Variants in SCAP observed in about 807,000 individuals in gnomAD.
SCAP encodes sterol regulatory element-binding protein cleavage-activating protein.
SCAP carries 65 observed loss-of-function variants against 123.6 expected under a neutral mutation model. The observed-to-expected ratio is 0.53, with a 90% CI of 0.43 to 0.65. SCAP has a LOEUF of 0.65. SCAP is among the 30% of genes least tolerant of loss of function. SCAP has a pLI of 0.00. For synonymous variants in SCAP, 740 were observed against 726.3 expected, an observed-to-expected ratio of 1.02 and a Z score of -0.30; for missense variants, 1,398 against 1,712.5, an observed-to-expected ratio of 0.82 and a Z score of 3.24.
At chr3:47,448,394 A>G (rs571773829) in intron 1 of SCAP, among the ~76,000 whole-genome samples, 1 of 152,216 alleles carries the variant, frequency 6.6e-6, no homozygotes, top group Non-Finnish European at 1.5e-5. Flanking sequence ...ATTTCTACGT[A>G]GACTTATCAT....
In SCAP at chr3:47,442,236, A is replaced by C. The variant is rs149336840; in HGVS notation, c.122+636T>G. On this transcript the variant is annotated intron_variant, in intron 2 of 22. Coordinates refer to ENST00000265565, the MANE Select transcript of SCAP (RefSeq NM_012235.4). Reference sequence around the variant, plus strand: ...AGAGTTAAAAGGGTCATCAGATGTCATCTCATATCAAACTCCTCCTTTACG... The same window carrying C: ...AGAGTTAAAAGGGTCATCAGATGTCCTCTCATATCAAACTCCTCCTTTACG... Among the ~76,000 whole-genome samples the C allele has an allele frequency of 1.8e-3, 271 of 152,306 alleles. 3 individuals carry two copies. The highest frequency in any genetic ancestry group is 6.1e-3 in the African/African-American group (255 of 41,580).
At chr3:47,428,365 A>C in intron 4 of SCAP, 148 bp downstream of exon 4, 1 of 854,584 alleles carries the variant, frequency 1.2e-6, no homozygotes, top group Non-Finnish European at 1.9e-6. Flanking sequence ...AAGGATGCTG[A>C]GAAATTCAAG....
intron 6 of SCAP, among the ~76,000 whole-genome samples, chr3:47,426,954 C>T (rs1706159779): frequency 6.6e-6 from 1 of 152,156 alleles, no homozygotes. Flanking sequence ...GTCCCCTATG[C>T]TTAACCAGCT....
Position 47,427,658 on chromosome 3 carries a change from G to C in SCAP, c.420C>G (p.Ile140Met). 1.9e-6 allele frequency: 3 copies of C among 1,613,966 alleles called. No homozygotes were observed. The highest frequency in any genetic ancestry group is 3.3e-5 in the Admixed American group (2 of 60,016). The change falls in exon 5 of 23, where the codon ATC becomes ATG. Residue 140 changes from isoleucine (I) to methionine (M), a missense_variant. This residue lies in a region of SCAP where 319 missense variants were observed against 432.4 expected (regional missense o/e 0.74). Coordinates refer to ENST00000265565, the MANE Select transcript of SCAP (RefSeq NM_012235.4). ...RNHVLRDSSG[I>M]RSLEELCLQV... ...GCAGACACAACTCCTCCAAGCTCCT[G>C]ATCCCAGAGCTGCACAGGAGACAGG...
chr3:47,428,404 G>A, intron 4 of SCAP, 109 bp downstream of exon 4: 1 of 1,170,188 alleles, frequency 8.5e-7, no homozygotes, highest in Non-Finnish European at 1.2e-6. Flanking sequence ...CTTCTTGCTT[G>A]TTCTATCTCT....
intron 9 of SCAP, 130 bp from the exon 10 acceptor site, chr3:47,422,666 C>A: frequency 3.0e-6 from 2 of 667,174 alleles, no homozygotes; most frequent in Non-Finnish European, 5.0e-6. Context: ...GCCATTCCAC[C>A]AAAGCACCCC....
At chr3:47,459,337 C>A (rs897542674) in intron 1 of SCAP, among the ~76,000 whole-genome samples, 13 of 152,218 alleles carry the variant, frequency 8.5e-5, no homozygotes, top group African/African-American at 2.4e-4. Context: ...TGCTGGAGGG[C>A]ATCAAAGCTC....
At position 47,450,146 on chromosome 3, in the gene SCAP, C is replaced by T. The variant is rs372969610; in HGVS notation, c.-98-7055G>A. ...CCAAGTAGCTGGAGTTACAGGCGTG[C>T]GCCACCCCACCCAGCTAATTTTTAT... On this transcript the variant is annotated intron_variant, in intron 1 of 22. Coordinates refer to ENST00000265565, the MANE Select transcript of SCAP (RefSeq NM_012235.4). Among the ~76,000 whole-genome samples, 21 of 124,298 alleles carry T rather than the reference C, an allele frequency of 1.7e-4. 4 individuals are homozygous for T. The highest frequency in any genetic ancestry group is 3.8e-4 in the African/African-American group (14 of 36,386). 81.5% of individuals were successfully genotyped at this position (124,298 alleles called of 152,430 possible). A position where few individuals can be genotyped will look rare whatever the true frequency, so the allele number is the denominator to read the frequency against.
intron 2 of SCAP, among the ~76,000 whole-genome samples, chr3:47,436,738 G>C (rs1706593366): frequency 6.6e-6 from 1 of 152,154 alleles, no homozygotes; most frequent in African/African-American, 2.4e-5. Flanking sequence ...ACAATGCACA[G>C]ATCTTAAGTA....
intron 1 of SCAP, among the ~76,000 whole-genome samples, chr3:47,473,093 A>AAAAC (rs1361633208): frequency 1.4e-5 from 2 of 147,130 alleles, no homozygotes; most frequent in Admixed American, 6.9e-5. Context: ...AAAAAAAAAA[A>AAAAC]AAAAAACAGA....
At chr3:47,421,361 A>G (rs1461814957) in intron 10 of SCAP, 4 of 279,898 alleles carry the variant, frequency 1.4e-5, no homozygotes, top group South Asian at 4.1e-5. Context: ...CTGCTCCCCA[A>G]AAAGTCCTTC....
chr3:47,473,080 CAAAAAAAAAAAAA>C (rs34472664), intron 1 of SCAP, among the ~76,000 whole-genome samples: 33 of 38,060 alleles, frequency 8.7e-4, no homozygotes, highest in Non-Finnish European at 2.1e-4. Context: ...AACTCCATCT[CAAAAAAAAAAAAA>C]AAAAAACAGA....
intron 1 of SCAP, among the ~76,000 whole-genome samples, chr3:47,464,377 T>G (rs746479615): frequency 3.0e-4 from 43 of 145,646 alleles, no homozygotes; most frequent in African/African-American, 1.0e-3. Flanking sequence ...CTGATTTGTG[T>G]TTTTTTTTTT....
Position 47,415,207 on chromosome 3 carries a change from G to C in SCAP, c.3057-27C>G, listed in dbSNP as rs767457353. On this transcript the variant is annotated intron_variant, in intron 18 of 22. Transcript: ENST00000265565. ...TGGAAGAGAAGAACAGCTGCCAGGG[G>C]CCTCTCCCTTAGAGCCCCAGCCCTG... The C allele has an allele frequency of 1.8e-5, 29 of 1,590,610 alleles. No individual in the cohort carries two copies. In the African/African-American group the frequency reaches 3.9e-4, roughly 22 times the overall value.
intron 7 of SCAP, 64 bp downstream of exon 7, chr3:47,425,933 C>G (rs907377337): frequency 1.3e-5 from 21 of 1,566,304 alleles, no homozygotes; most frequent in Middle Eastern, 1.7e-4. Flanking sequence ...GCCAGGGAAG[C>G]AGGTGACATG....
intron 2 of SCAP, among the ~76,000 whole-genome samples, chr3:47,435,680 C>CT (rs1028721341): frequency 1.3e-3 from 199 of 152,216 alleles, no homozygotes; most frequent in African/African-American, 4.6e-3. Context: ...GCAACCGTGC[C>CT]TGGCTAGTTT....
At chr3:47,454,205 A>C (rs2107965516) in intron 1 of SCAP, among the ~76,000 whole-genome samples, 1 of 152,058 alleles carries the variant, frequency 6.6e-6, no homozygotes, top group South Asian at 2.1e-4. Flanking sequence ...GTCTCTACTA[A>C]AAATACAAAA....
chr3:47,472,221 C>CA (rs1212048016), intron 1 of SCAP, among the ~76,000 whole-genome samples: 1 of 151,558 alleles, frequency 6.6e-6, no homozygotes, highest in African/African-American at 2.4e-5. Context: ...ATCATGAGGT[C>CA]AGGAGATCGA....
intron 1 of SCAP, among the ~76,000 whole-genome samples, chr3:47,447,667 C>T (rs534097234): frequency 4.7e-5 from 7 of 147,608 alleles, no homozygotes; most frequent in African/African-American, 1.8e-4. Flanking sequence ...CCAGCCTGGG[C>T]AATACAGCGA....
Sources: allele counts gnomAD v4.1 joint callset (sites outside exome capture counted in the v4.1 genomes callset), GRCh38; gene constraint gnomAD v4.1.1; regional missense constraint gnomAD v4.1.1; transcripts MANE v1.5; gene names NCBI Gene and HGNC (gene_info 2026-07-23, HGNC 2026-07-21).